CDKN2B-AS1: variants seen among roughly 807,000 people sequenced by gnomAD.
The protein encoded by CDKN2B-AS1 is CDKN2B antisense RNA 1 (non-protein coding).
In CDKN2B-AS1 at chr9:22,105,203, G is replaced by A. The variant is rs886569380; in HGVS notation, n.439-21900G>A. Among the ~76,000 whole-genome samples the A allele has an allele frequency of 3.9e-5, 6 of 152,202 alleles. No homozygotes were observed. The East Asian group carries it at 7.7e-4, about 20-fold the overall frequency. ...GTGGGCTCATGATGACTTGTAGGCC[G>A]AGGCAGCTGCACATATGAAGACTAT... On this transcript the variant is annotated intron_variant and non_coding_transcript_variant, in intron 4 of 4. Coordinates refer to ENST00000650946, the Ensembl canonical transcript of CDKN2B-AS1.
At chr9:22,015,218 T>C (rs1295537199) in intron 1 of CDKN2B-AS1, among the ~76,000 whole-genome samples, 1 of 152,190 alleles carries the variant, frequency 6.6e-6, no homozygotes, top group Non-Finnish European at 1.5e-5. Flanking sequence ...TAGTTTACAG[T>C]CCCACCAACA....
At chr9:22,048,079 G>T (rs1823184950) in intron 2 of CDKN2B-AS1, among the ~76,000 whole-genome samples, 1 of 152,038 alleles carries the variant, frequency 6.6e-6, no homozygotes, top group Non-Finnish European at 1.5e-5. Flanking sequence ...ACAGGCGTGA[G>T]TCAGTGCGCC....
chr9:22,125,253 C>A (rs1025950048), intron 4 of CDKN2B-AS1, among the ~76,000 whole-genome samples: 1 of 152,204 alleles, frequency 6.6e-6, no homozygotes, highest in Non-Finnish European at 1.5e-5. Flanking sequence ...GCTGCTGACT[C>A]TGAAGATCAT....
chr9:22,027,876 T>G (rs1316791978), intron 1 of CDKN2B-AS1, among the ~76,000 whole-genome samples: 1 of 152,144 alleles, frequency 6.6e-6, no homozygotes, highest in Non-Finnish European at 1.5e-5. Context: ...TGTGAAGGAA[T>G]AATTAAAAGA....
In CDKN2B-AS1 at chr9:22,002,154, A is replaced by T. The variant is rs185744253; in HGVS notation, n.29+6993A>T. On this transcript the variant is annotated intron_variant and non_coding_transcript_variant, in intron 1 of 4. Transcript: ENST00000650946. ...AAATAACTAGACAGTTTCTGTTAAT[A>T]CTGAAAATCTAGTAAACGTGTCAGA... Among the ~76,000 whole-genome samples, 337 of 152,192 alleles carry T rather than the reference A, an allele frequency of 2.2e-3. 1 individual carries two copies. The highest frequency in any genetic ancestry group is 3.7e-3 in the Non-Finnish European group (254 of 67,920).
intron 1 of CDKN2B-AS1, among the ~76,000 whole-genome samples, chr9:22,017,320 G>A (rs566813634): frequency 6.6e-5 from 10 of 151,528 alleles, no homozygotes; most frequent in Admixed American, 2.6e-4. Flanking sequence ...CAGCTACTCA[G>A]GAGGCTGAAG....
At chr9:22,028,128 C>A (rs1822315335) in intron 1 of CDKN2B-AS1, among the ~76,000 whole-genome samples, 1 of 151,996 alleles carries the variant, frequency 6.6e-6, no homozygotes, top group Non-Finnish European at 1.5e-5. Context: ...TCACAGGATT[C>A]CAAGAAATAA....
rs1346380263 is a variant in CDKN2B-AS1, at chr9:22,123,145, T to G, written n.439-3958T>G. 9.2e-5 allele frequency among the ~76,000 whole-genome samples: 14 copies of G among 152,200 alleles called. 1 individual carries two copies. The highest frequency in any genetic ancestry group is 9.2e-4 in the Admixed American group (14 of 15,280). On this transcript the variant is annotated intron_variant and non_coding_transcript_variant, in intron 4 of 4. Coordinates refer to ENST00000650946, the Ensembl canonical transcript of CDKN2B-AS1. ...AAATGGGATTGCCTTCTTGATTGCT[T>G]TTTCAGCTAGTTCATTGTTCATGTA...
intron 1 of CDKN2B-AS1, among the ~76,000 whole-genome samples, chr9:22,022,427 G>A (rs894252160): frequency 6.6e-6 from 1 of 151,854 alleles, no homozygotes; most frequent in African/African-American, 2.4e-5. Flanking sequence ...TGTCTTTTTT[G>A]TTCTTGTTGG....
At chr9:22,037,475 C>T (rs1042136573) in intron 1 of CDKN2B-AS1, among the ~76,000 whole-genome samples, 1 of 151,602 alleles carries the variant, frequency 6.6e-6, no homozygotes, top group African/African-American at 2.4e-5. Flanking sequence ...TGTTTATATG[C>T]ATTTAATTTT....
intron 4 of CDKN2B-AS1, among the ~76,000 whole-genome samples, chr9:22,056,990 TTAATC>T (rs1199387442): frequency 1.1e-4 from 16 of 152,202 alleles, no homozygotes; most frequent in Admixed American, 3.3e-4. Flanking sequence ...AAACTAGGGA[TTAATC>T]TAGATTTAGT....
At position 22,005,717 on chromosome 9, in the gene CDKN2B-AS1, C is replaced by A; in HGVS notation, n.29+10556C>A. On this transcript the variant is annotated intron_variant and non_coding_transcript_variant, in intron 1 of 4. Coordinates refer to ENST00000650946, the Ensembl canonical transcript of CDKN2B-AS1. This position sits in a 1 kb window ranked among gnomAD's most constrained non-coding sequence, Gnocchi z 4.9. ...AGAAAACCCTGAAAAGCAAACGACC[C>A]CTGGAATGTCACACACTCCTAAATA... 2 of 571,022 alleles carry A rather than the reference C, an allele frequency of 3.5e-6. No homozygotes were observed. Among genetic ancestry groups the A allele is most frequent in the South Asian group, 4.1e-5 (2 of 48,830 alleles). 35.4% of individuals were successfully genotyped at this position (571,022 alleles called of 1,614,324 possible).
chr9:22,102,071 A>C (rs1471051087), intron 4 of CDKN2B-AS1, among the ~76,000 whole-genome samples: 1 of 152,176 alleles, frequency 6.6e-6, no homozygotes, highest in African/African-American at 2.4e-5. Context: ...TTTTAAACCA[A>C]CACTTAAAAT....
At chr9:22,015,938 GGTT>G (rs1821734639) in intron 1 of CDKN2B-AS1, among the ~76,000 whole-genome samples, 1 of 152,020 alleles carries the variant, frequency 6.6e-6, no homozygotes. Context: ...TTTTTGATGG[GGTT>G]GTTTGTTTTT....
chr9:22,101,371 G>A (rs1483148947), intron 4 of CDKN2B-AS1, among the ~76,000 whole-genome samples: 1 of 152,024 alleles, frequency 6.6e-6, no homozygotes, highest in African/African-American at 2.4e-5. Context: ...AAGATACTCA[G>A]TCTGAAACTG....
chr9:22,096,271 C>T (rs1825271919), intron 4 of CDKN2B-AS1: 2 of 152,148 alleles, frequency 1.3e-5, no homozygotes, highest in Non-Finnish European at 2.9e-5. Flanking sequence ...TTATCTATTA[C>T]CTACATTGCA....
chr9:22,009,347 A>C (rs1381617826), intron 1 of CDKN2B-AS1: 19 of 384,074 alleles, frequency 4.9e-5, no homozygotes, highest in Non-Finnish European at 8.5e-5. Flanking sequence ...AGCTGGGCCA[A>C]GGGGCCGGCG....
Position 21,999,741 on chromosome 9 carries a change from G to T in CDKN2B-AS1, n.29+4580G>T, listed in dbSNP as rs1410293241. ...TTGTGAGGAGACTTTTTTTGTTGTT[G>T]TTGTTGTTAGGGCTCATTCATAAAA... On this transcript the variant is annotated intron_variant and non_coding_transcript_variant, in intron 1 of 4. Coordinates refer to ENST00000650946, the Ensembl canonical transcript of CDKN2B-AS1. This position sits in a 1 kb window ranked among gnomAD's most constrained non-coding sequence, Gnocchi z 4.7. Among the ~76,000 whole-genome samples the T allele has an allele frequency of 4.6e-5, 7 of 151,984 alleles. No homozygotes were observed. In the East Asian group the frequency reaches 1.3e-3, roughly 29 times the overall value.
intron 4 of CDKN2B-AS1, among the ~76,000 whole-genome samples, chr9:22,065,040 G>C (rs1823981529): frequency 6.6e-6 from 1 of 152,068 alleles, no homozygotes. Flanking sequence ...ACATTCCCTA[G>C]GATAATTAGG....
Sources: allele counts gnomAD v4.1 joint callset (sites outside exome capture counted in the v4.1 genomes callset), GRCh38; gene constraint gnomAD v4.1.1; non-coding constraint Gnocchi (gnomAD v3.1); transcripts MANE v1.5; gene names NCBI Gene and HGNC (gene_info 2026-07-23, HGNC 2026-07-21).